Variants in GALNS observed in about 807,000 individuals in gnomAD.
GALNS encodes the protein N-acetylgalactosamine-6-sulfatase.
In GALNS, 65 loss-of-function variants were observed where a neutral mutation model predicts 65.9. The observed-to-expected ratio is 0.99, with a 90% CI of 0.81 to 1.21. The LOEUF is 1.21. Ranked by LOEUF, GALNS falls within the 50% of genes most tolerant of loss-of-function variation. GALNS has a pLI of 0.00. For synonymous variants in GALNS, 346 were observed against 288.9 expected, an observed-to-expected ratio of 1.20 and a Z score of -2.00; for missense variants, 776 against 700.7, an observed-to-expected ratio of 1.11 and a Z score of -1.21.
intron 9 of GALNS, among the ~76,000 whole-genome samples, chr16:88,830,363 G>A (rs1024055466): frequency 1.3e-5 from 2 of 152,240 alleles, no homozygotes; most frequent in South Asian, 2.1e-4. Flanking sequence ...GAAAAGGCAG[G>A]GAACAGAACA....
intron 9 of GALNS, among the ~76,000 whole-genome samples, chr16:88,827,276 T>C (rs1276088088): frequency 1.3e-5 from 2 of 152,100 alleles, no homozygotes; most frequent in Non-Finnish European, 2.9e-5. Context: ...CAGGAGCAGC[T>C]CCGAGTGGCT....
chr16:88,853,251 CAAAAAAAAAAA>C (rs34618279), intron 1 of GALNS, among the ~76,000 whole-genome samples: 4 of 64,658 alleles, frequency 6.2e-5, no homozygotes, highest in South Asian at 6.2e-4. Context: ...GACTCCATCT[CAAAAAAAAAAA>C]AAAAAAAAAA....
At chr16:88,818,368 C>A (rs1196173534) in intron 12 of GALNS, among the ~76,000 whole-genome samples, 1 of 152,220 alleles carries the variant, frequency 6.6e-6, no homozygotes, top group Non-Finnish European at 1.5e-5. Context: ...GCAGGCCAAG[C>A]CCTGGCAGAG....
At chr16:88,833,601 G>C (rs910036636) in intron 8 of GALNS, among the ~76,000 whole-genome samples, 1 of 152,000 alleles carries the variant, frequency 6.6e-6, no homozygotes, top group African/African-American at 2.4e-5. Context: ...ACAGGTGCCC[G>C]CCACCACGCC....
rs776956153 is a variant in GALNS, at chr16:88,813,980, T to C, written c.*459A>G. The C allele has an allele frequency of 7.9e-6, 2 of 252,458 alleles. No homozygotes were observed. Among genetic ancestry groups the C allele is most frequent in the Admixed American group, 5.0e-5 (1 of 20,164 alleles). 15.6% of individuals were successfully genotyped at this position (252,458 alleles called of 1,614,324 possible). A position where few individuals can be genotyped will look rare whatever the true frequency, so the allele number is the denominator to read the frequency against. ...GGGCCAGACTCAATCGTGTATTCAG[T>C]GGAAGGCTGACTGAACCAATGTACG... On this transcript the variant is annotated 3_prime_UTR_variant, in exon 14 of 14. Transcript: ENST00000268695.
At position 88,813,986 on chromosome 16, in the gene GALNS, G is replaced by C. The variant is rs1471787785; in HGVS notation, c.*453C>G. The C allele has an allele frequency of 1.2e-5, 3 of 253,740 alleles. No homozygotes were observed. Among genetic ancestry groups the C allele is most frequent in the Non-Finnish European group, 2.4e-5 (3 of 126,570 alleles). The allele number at this position is 253,740 out of a possible 1,614,324, so 15.7% of individuals were successfully genotyped here. A position where few individuals can be genotyped will look rare whatever the true frequency, so the allele number is the denominator to read the frequency against. Reference sequence around the variant, plus strand: ...GACTCAATCGTGTATTCAGTGGAAGGCTGACTGAACCAATGTACGCCATAC... The same window carrying C: ...GACTCAATCGTGTATTCAGTGGAAGCCTGACTGAACCAATGTACGCCATAC... On this transcript the variant is annotated 3_prime_UTR_variant, in exon 14 of 14. Transcript: ENST00000268695.
intron 13 of GALNS, among the ~76,000 whole-genome samples, chr16:88,817,770 G>A (rs180992490): frequency 3.3e-5 from 5 of 152,340 alleles, no homozygotes; most frequent in Admixed American, 6.5e-5. Context: ...CCGGGTGGCC[G>A]GCTGTGGACC....
Position 88,853,831 on chromosome 16 carries a change from C to T in GALNS, c.120+2927G>A, listed in dbSNP as rs569002549. Among the ~76,000 whole-genome samples, 719 of 152,238 alleles carry T rather than the reference C, an allele frequency of 4.7e-3. 7 individuals carry two copies. Among genetic ancestry groups the T allele is most frequent in the Non-Finnish European group, 7.1e-3 (480 of 68,000 alleles). On this transcript the variant is annotated intron_variant, in intron 1 of 13. Coordinates refer to ENST00000268695, the MANE Select transcript of GALNS (RefSeq NM_000512.5). ...GAGTGCAGGTAGACCCGTCCTTGCC[C>T]GGCTCAGCTCCCCCTGGACAGGTGG... is the stretch of plus-strand genomic sequence containing the variant.
chr16:88,817,403 G>A, intron 13 of GALNS: 3 of 985,482 alleles, frequency 3.0e-6, no homozygotes, highest in African/African-American at 1.7e-5. Flanking sequence ...CGGAGGTGCT[G>A]CTCTGGGTGG....
intron 13 of GALNS, chr16:88,815,811 C>G: frequency 1.0e-6 from 1 of 985,386 alleles, no homozygotes; most frequent in African/African-American, 1.7e-5. Flanking sequence ...AAGCTGCTCC[C>G]AAACTCCAGG....
At chr16:88,842,283 C>T in intron 2 of GALNS, 4 of 537,742 alleles carry the variant, frequency 7.4e-6, no homozygotes, top group Non-Finnish European at 1.0e-5. Flanking sequence ...CCTCGAGCAC[C>T]AGCCCCGTGC....
intron 13 of GALNS, chr16:88,816,207 T>A: frequency 1.0e-6 from 1 of 985,428 alleles, no homozygotes; most frequent in Non-Finnish European, 1.2e-6. Flanking sequence ...GCAGCCAGGC[T>A]GTGTGCGCCC....
chr16:88,818,150 C>G (rs370139668), intron 12 of GALNS, 26 bp from the exon 13 acceptor site: 1 of 1,546,170 alleles, frequency 6.5e-7, no homozygotes, highest in African/African-American at 1.3e-5. Flanking sequence ...TCTGGTCACA[C>G]GGCTGGGGCT....
rs1297521458 is a variant in GALNS at position 88,856,920 on chromosome 16, T to C, written c.-43A>G. The C allele has an allele frequency of 4.0e-6, 6 of 1,484,026 alleles. No homozygotes were observed. The Admixed American group carries it at 9.2e-5, about 23-fold the overall frequency. 91.9% of individuals were successfully genotyped at this position (1,484,026 alleles called of 1,614,324 possible). Reference sequence around the variant, plus strand: ...CGGAGCCCCGGCCAGCGAGCCGACCTAGCGAGCGTCCGCCGGCCCTTCCGG... The same window carrying C: ...CGGAGCCCCGGCCAGCGAGCCGACCCAGCGAGCGTCCGCCGGCCCTTCCGG... On this transcript the variant is annotated 5_prime_UTR_variant, in exon 1 of 14. Coordinates refer to ENST00000268695, the MANE Select transcript of GALNS (RefSeq NM_000512.5).
chr16:88,822,799 T>G, intron 11 of GALNS, 89 bp from the exon 12 acceptor site: 6 of 1,545,770 alleles, frequency 3.9e-6, no homozygotes, highest in Non-Finnish European at 5.2e-6. Context: ...AGCCCCTGAC[T>G]GCGGCCGTGA....
At chr16:88,833,171 G>A (rs935188534) in intron 8 of GALNS, among the ~76,000 whole-genome samples, 12 of 151,756 alleles carry the variant, frequency 7.9e-5, no homozygotes, top group South Asian at 2.1e-4. Flanking sequence ...TCCTTCCTGC[G>A]CTGCCATCCA....
intron 11 of GALNS, among the ~76,000 whole-genome samples, chr16:88,823,804 G>A (rs1473804991): frequency 4.8e-5 from 7 of 144,752 alleles, no homozygotes; most frequent in Admixed American, 3.4e-4. Context: ...GCCCAGGACG[G>A]CCCTCGCAGG....
chr16:88,814,787 G>C (rs1909460721), intron 13 of GALNS, among the ~76,000 whole-genome samples: 1 of 152,180 alleles, frequency 6.6e-6, no homozygotes, highest in African/African-American at 2.4e-5. Context: ...TTTTAGTAGA[G>C]ACGGAGTTTC....
chr16:88,827,930 CG>C (rs1184523256), intron 9 of GALNS, among the ~76,000 whole-genome samples: 1 of 152,244 alleles, frequency 6.6e-6, no homozygotes, highest in African/African-American at 2.4e-5. Context: ...GGGGCACCCT[CG>C]CCGCCTGCAG....
Sources: gnomAD v4.1 joint callset for allele counts (sites outside exome capture counted in the v4.1 genomes callset) on GRCh38, gnomAD v4.1.1 for gene constraint, MANE v1.5 for transcripts, NCBI Gene and HGNC (gene_info 2026-07-23, HGNC 2026-07-21) for gene names.